The following PTPRN2 variants were observed in gnomAD, a reference collection of about 807,000 sequenced individuals.
The protein encoded by PTPRN2 is receptor-type tyrosine-protein phosphatase N2.
PTPRN2 carries 74 observed loss-of-function variants against 118.8 expected under a neutral mutation model. The ratio of observed to expected loss-of-function variants is 0.62; its 90% CI spans 0.52 to 0.76. The LOEUF (loss-of-function observed/expected upper bound fraction) is 0.76, where lower values mean the gene tolerates loss of function less well. PTPRN2 is among the 30% of genes least tolerant of loss of function. PTPRN2 has a pLI of 0.00. For missense variants in PTPRN2, 1,481 were observed against 1,394.4 expected (o/e 1.06, Z -0.99); for synonymous variants, 641 against 608.0 (o/e 1.05, Z -0.80).
At chr7:158,149,541 T>C (rs1260392522) in intron 6 of PTPRN2, among the ~76,000 whole-genome samples, 1 of 152,138 alleles carries the variant, frequency 6.6e-6, no homozygotes, top group Non-Finnish European at 1.5e-5. Context: ...CAGTGGCTCA[T>C]GCCTGTAATC....
At chr7:157,696,641 TA>T (rs1935376553) in intron 12 of PTPRN2, among the ~76,000 whole-genome samples, 1 of 145,312 alleles carries the variant, frequency 6.9e-6, no homozygotes, top group Non-Finnish European at 1.5e-5. Flanking sequence ...TACTGGGTCT[TA>T]GTAGAGCCCT....
chr7:157,561,830 A>G (rs1165298658), intron 21 of PTPRN2, among the ~76,000 whole-genome samples: 1 of 152,240 alleles, frequency 6.6e-6, no homozygotes, highest in East Asian at 1.9e-4. Flanking sequence ...AAGATGCAGC[A>G]GGAGGATGGG....
chr7:157,819,007 G>A (rs1362162082), intron 12 of PTPRN2, among the ~76,000 whole-genome samples: 1 of 152,082 alleles, frequency 6.6e-6, no homozygotes, highest in Non-Finnish European at 1.5e-5. Context: ...TGCACCCTGA[G>A]CCTCCTCTCA....
intron 5 of PTPRN2, among the ~76,000 whole-genome samples, chr7:158,173,837 A>T (rs768622410): frequency 1.2e-4 from 18 of 152,266 alleles, no homozygotes; most frequent in Admixed American, 2.6e-4. Flanking sequence ...GAAGAAAAAT[A>T]AGGCTCTATT....
At chr7:158,327,675 G>C (rs894600114) in intron 2 of PTPRN2, among the ~76,000 whole-genome samples, 1 of 152,234 alleles carries the variant, frequency 6.6e-6, no homozygotes, top group Non-Finnish European at 1.5e-5. Flanking sequence ...TACCAGGCTA[G>C]GTCACCCTTT....
chr7:157,634,552 G>A (rs1400801035), intron 14 of PTPRN2, among the ~76,000 whole-genome samples: 1 of 152,188 alleles, frequency 6.6e-6, no homozygotes, highest in African/African-American at 2.4e-5. Flanking sequence ...ACAGACCAAG[G>A]CATCCGGGTG....
intron 12 of PTPRN2, among the ~76,000 whole-genome samples, chr7:157,855,249 G>T (rs1203827470): frequency 6.6e-6 from 1 of 152,146 alleles, no homozygotes; most frequent in Non-Finnish European, 1.5e-5. Flanking sequence ...TGCGGGGCTT[G>T]CTGACTCTCG....
At chr7:158,369,034 G>A (rs1043717690) in intron 2 of PTPRN2, among the ~76,000 whole-genome samples, 22 of 152,056 alleles carry the variant, frequency 1.4e-4, no homozygotes, top group Non-Finnish European at 1.2e-4. Context: ...CTAATCAGTC[G>A]CTGGCATGGC....
At chr7:158,222,723 A>G (rs1176513753) in intron 3 of PTPRN2, among the ~76,000 whole-genome samples, 2 of 152,242 alleles carry the variant, frequency 1.3e-5, no homozygotes, top group African/African-American at 4.8e-5. Flanking sequence ...AAGTCAAAAG[A>G]AAAATAAAAG....
intron 9 of PTPRN2, among the ~76,000 whole-genome samples, chr7:158,119,361 A>G (rs1585499529): frequency 6.6e-6 from 1 of 152,142 alleles, no homozygotes; most frequent in Admixed American, 6.5e-5. Flanking sequence ...CTGTAAGAAG[A>G]AAAAAACCCA....
intron 12 of PTPRN2, among the ~76,000 whole-genome samples, chr7:157,775,588 G>A (rs112571821): frequency 3.2e-4 from 48 of 151,172 alleles, no homozygotes; most frequent in African/African-American, 1.0e-3. Context: ...CTTCGTCCTC[G>A]GGAGCCGGCG....
At chr7:157,601,253 A>G (rs1271998480) in intron 16 of PTPRN2, among the ~76,000 whole-genome samples, 1 of 152,222 alleles carries the variant, frequency 6.6e-6, no homozygotes, top group East Asian at 1.9e-4. Context: ...CCTGAAATGT[A>G]ATGAGGACTA....
chr7:158,226,902 T>TC (rs1371908570), intron 3 of PTPRN2, among the ~76,000 whole-genome samples: 1 of 152,144 alleles, frequency 6.6e-6, no homozygotes, highest in Non-Finnish European at 1.5e-5. Flanking sequence ...GCTTGCAGTT[T>TC]CAAACACACT....
intron 2 of PTPRN2, among the ~76,000 whole-genome samples, chr7:158,386,544 C>T (rs1188784706): frequency 1.3e-5 from 2 of 152,134 alleles, no homozygotes; most frequent in Non-Finnish European, 2.9e-5. Flanking sequence ...GTCAGGGGAG[C>T]TTATAGCTAT....
chr7:157,852,037 AACG>A (rs570802002), intron 12 of PTPRN2, among the ~76,000 whole-genome samples: 356 of 152,338 alleles, frequency 2.3e-3, no homozygotes, highest in African/African-American at 8.2e-3. Flanking sequence ...TTGTGTTGAA[AACG>A]ACACCTTCAC....
At chr7:158,371,233 T>C (rs1016775760) in intron 2 of PTPRN2, among the ~76,000 whole-genome samples, 4 of 151,948 alleles carry the variant, frequency 2.6e-5, no homozygotes, top group Non-Finnish European at 4.4e-5. Context: ...AGTAAAACCT[T>C]TTTTTGGTAG....
chr7:157,767,079 GT>G (rs1802528512), intron 12 of PTPRN2, among the ~76,000 whole-genome samples: 1 of 152,122 alleles, frequency 6.6e-6, no homozygotes, highest in Non-Finnish European at 1.5e-5. Context: ...CCCCTGCAGG[GT>G]AGGGGCCAGG....
chr7:158,210,682 T>C (rs1475352143), intron 3 of PTPRN2, among the ~76,000 whole-genome samples: 3 of 152,162 alleles, frequency 2.0e-5, no homozygotes, highest in Non-Finnish European at 4.4e-5. Flanking sequence ...GAGGCTACTA[T>C]GAGCAACTAC....
intron 2 of PTPRN2, among the ~76,000 whole-genome samples, chr7:158,483,318 G>T (rs1414816784): frequency 1.3e-5 from 2 of 152,172 alleles, no homozygotes; most frequent in Non-Finnish European, 2.9e-5. Context: ...GGCTATGGGG[G>T]TGTCTCTTGT....
Sources: gnomAD v4.1 joint callset for allele counts (sites outside exome capture counted in the v4.1 genomes callset) on GRCh38, gnomAD v4.1.1 for gene constraint, MANE v1.5 for transcripts, NCBI Gene and HGNC (gene_info 2026-07-23, HGNC 2026-07-21) for gene names.